The following CDH11 variants were observed in gnomAD, a reference collection of about 807,000 sequenced individuals.
The protein encoded by CDH11 is cadherin-11.
CDH11 carries 11 observed loss-of-function variants against 67.8 expected under a neutral mutation model. The observed-to-expected ratio is 0.16, with a 90% confidence interval of 0.10 to 0.27. The LOEUF is 0.27. Ranked by LOEUF, CDH11 falls within the 10% of genes least tolerant of loss-of-function variation. The pLI, the probability that CDH11 is intolerant of heterozygous loss-of-function variation, is 1.00. For missense variants in CDH11, 847 were observed against 1,031.2 expected (o/e 0.82, Z 2.45); for synonymous variants, 419 against 400.0 (o/e 1.05, Z -0.57).
chr16:64,982,162 G>A lies in CDH11; in HGVS notation c.1139C>T (p.Pro380Leu), dbSNP rs2072368622. 1.2e-6 allele frequency: 2 copies of A among 1,614,030 alleles called. No homozygotes were observed. The highest frequency in any genetic ancestry group is 1.1e-5 in the South Asian group (1 of 91,070). ...GTAACTTGGGGCCAAGAACATAGGG[G>A]GCTCATCAGCATCTTCTACTGAGAT... ...VKISVEDADE[P>L]PMFLAPSYIH... Residue 380 changes from proline (P) to leucine (L), a missense_variant, in exon 8 of 13, where the codon CCC (proline) becomes CTC (leucine). Pro to Leu is a moderately conservative substitution (Grantham distance 98). This residue lies in a region of CDH11 where 612 missense variants were observed against 678.7 expected (regional missense o/e 0.90). Coordinates refer to ENST00000268603, the MANE Select transcript of CDH11 (RefSeq NM_001797.4).
In CDH11 at chr16:64,998,412, AG is replaced by A; in HGVS notation, c.523+149del. 6.8e-6 allele frequency: 5 copies of A among 730,598 alleles called. No individual in the cohort carries two copies. The South Asian group carries it at 8.8e-5, about 13-fold the overall frequency. 45.3% of individuals were successfully genotyped at this position (730,598 alleles called of 1,614,324 possible). A position where few individuals can be genotyped will look rare whatever the true frequency, so the allele number is the denominator to read the frequency against. On this transcript the variant is annotated intron_variant, in intron 4 of 12. Coordinates refer to ENST00000268603, the MANE Select transcript of CDH11 (RefSeq NM_001797.4). ...AGAAATTGTTATTCCCATTTTACAG[AG>A]GAACAAAAGAATTTTTGTTCCTTTT...
At chr16:65,084,552 C>T (rs1275450061) in intron 1 of CDH11, among the ~76,000 whole-genome samples, 2 of 152,112 alleles carry the variant, frequency 1.3e-5, no homozygotes, top group Non-Finnish European at 2.9e-5. Context: ...AATGCACACA[C>T]ACATTAACAA....
chr16:65,114,949 A>T (rs2075217492), intron 1 of CDH11, among the ~76,000 whole-genome samples: 1 of 152,216 alleles, frequency 6.6e-6, no homozygotes, highest in South Asian at 2.1e-4. Flanking sequence ...GTCACTGCTC[A>T]AACCCCTTAC....
chr16:64,981,420 A>G (rs2072345096), intron 8 of CDH11: 1 of 26,380 alleles, frequency 3.8e-5, no homozygotes, highest in Non-Finnish European at 8.1e-5. Context: ...GTTCTGGATC[A>G]CATTTTTTTT....
chr16:65,019,983 T>G (rs1196488355), intron 2 of CDH11, among the ~76,000 whole-genome samples: 1 of 152,204 alleles, frequency 6.6e-6, no homozygotes, highest in Admixed American at 6.5e-5. Flanking sequence ...TGTAAAACTC[T>G]TCCTTCAGTA....
At position 64,949,218 on chromosome 16, in the gene CDH11, T is replaced by C. The variant is rs141488294; in HGVS notation, c.1895-1119A>G. Among the ~76,000 whole-genome samples the C allele has an allele frequency of 5.9e-5, 9 of 152,232 alleles. No homozygotes were observed. The East Asian group carries it at 1.7e-3, about 29-fold the overall frequency. On this transcript the variant is annotated intron_variant, in intron 12 of 12. Transcript: ENST00000268603. ...CAGCCTGGCCCCGTTCTTATCCTTA[T>C]TATAATATTTATCACATGGTTTACA...
chr16:64,978,181 C>T (rs2142445813), intron 8 of CDH11, among the ~76,000 whole-genome samples: 1 of 152,302 alleles, frequency 6.6e-6, no homozygotes, highest in East Asian at 1.9e-4. Context: ...GTTTTACACT[C>T]AAAAACTGTG....
chr16:64,981,325 C>G (rs1418064939), intron 8 of CDH11: 1 of 151,866 alleles, frequency 6.6e-6, no homozygotes, highest in Non-Finnish European at 1.5e-5. Context: ...AGGCTGGGTT[C>G]GAACTCCTTA....
intron 2 of CDH11, among the ~76,000 whole-genome samples, chr16:65,053,299 C>T (rs1199729563): frequency 6.6e-6 from 1 of 152,192 alleles, no homozygotes; most frequent in African/African-American, 2.4e-5. Context: ...TCCCATAGCA[C>T]AGACAGTGAA....
intron 11 of CDH11, among the ~76,000 whole-genome samples, chr16:64,959,420 A>G (rs1190117150): frequency 6.6e-6 from 1 of 152,218 alleles, no homozygotes; most frequent in Non-Finnish European, 1.5e-5. Context: ...TAAGACAAAG[A>G]AAACTACCAA....
intron 2 of CDH11, among the ~76,000 whole-genome samples, chr16:65,032,578 A>C (rs190384597): frequency 2.5e-4 from 38 of 152,272 alleles, no homozygotes; most frequent in Middle Eastern, 3.4e-3. Context: ...CCCCAGCTAT[A>C]AGAAATAAAC....
intron 9 of CDH11, among the ~76,000 whole-genome samples, chr16:64,972,559 G>A (rs1424763911): frequency 6.6e-6 from 1 of 152,088 alleles, no homozygotes; most frequent in South Asian, 2.1e-4. Context: ...AGATAAACAA[G>A]AACCCACAAA....
rs895268654 is a variant in CDH11, at chr16:64,946,982, G to A, written c.*621C>T. On this transcript the variant is annotated 3_prime_UTR_variant, in exon 13 of 13. Transcript: ENST00000268603. ...ATTAAAAATGACATAGAAATAGGGC[G>A]TCTCTCACTGAAACAAGACAGTTAT... 2.6e-5 allele frequency: 25 copies of A among 967,416 alleles called. No individual in the cohort carries two copies. The highest frequency in any genetic ancestry group is 4.8e-4 in the Middle Eastern group (1 of 2,068). The allele number at this position is 967,416 out of a possible 1,614,324, so 59.9% of individuals were successfully genotyped here.
chr16:65,009,397 T>C (rs2073130325), intron 2 of CDH11, among the ~76,000 whole-genome samples: 2 of 152,202 alleles, frequency 1.3e-5, no homozygotes, highest in African/African-American at 4.8e-5. Context: ...TCTTTGGTTT[T>C]TATTTTAAAT....
In CDH11 at chr16:65,099,004, G is replaced by T. The variant is rs376841109; in HGVS notation, c.-298+22876C>A. On this transcript the variant is annotated intron_variant, in intron 1 of 12. Transcript: ENST00000268603. Reference sequence around the variant, plus strand: ...GCAGAGAACCTGAAATTACAGATGTGCTTTGTAACCGTCTATTTTCTTAGT... The same window carrying T: ...GCAGAGAACCTGAAATTACAGATGTTCTTTGTAACCGTCTATTTTCTTAGT... 4.4e-4 allele frequency among the ~76,000 whole-genome samples: 67 copies of T among 152,214 alleles called. No homozygotes were observed. The South Asian group carries it at 0.014, about 32-fold the overall frequency.
At chr16:65,039,129 G>A (rs532427289) in intron 2 of CDH11, among the ~76,000 whole-genome samples, 12 of 152,218 alleles carry the variant, frequency 7.9e-5, no homozygotes, top group South Asian at 6.2e-4. Flanking sequence ...CTTGGTTTTC[G>A]CCTCTGTAGA....
intron 8 of CDH11, among the ~76,000 whole-genome samples, chr16:64,976,257 G>A (rs945515362): frequency 2.0e-5 from 3 of 152,140 alleles, no homozygotes; most frequent in Admixed American, 6.5e-5. Flanking sequence ...CCAAGTCAAT[G>A]CCTGGACAGG....
intron 2 of CDH11, among the ~76,000 whole-genome samples, chr16:65,030,319 T>C (rs1306565878): frequency 6.6e-6 from 1 of 152,208 alleles, no homozygotes; most frequent in African/African-American, 2.4e-5. Context: ...TTATTTGCTG[T>C]TTATCTGAAA....
chr16:65,098,074 T>A (rs893667038), intron 1 of CDH11, among the ~76,000 whole-genome samples: 1 of 151,994 alleles, frequency 6.6e-6, no homozygotes, highest in African/African-American at 2.4e-5. Flanking sequence ...CTCAACACGA[T>A]GGAGAAAATC....
Sources: gnomAD v4.1 joint callset for allele counts (sites outside exome capture counted in the v4.1 genomes callset) on GRCh38, gnomAD v4.1.1 for gene constraint, gnomAD v4.1.1 regional missense constraint, MANE v1.5 for transcripts, NCBI Gene and HGNC (gene_info 2026-07-23, HGNC 2026-07-21) for gene names.